The following STOX2 variants were observed in gnomAD, a reference collection of about 807,000 sequenced individuals.
STOX2 encodes the protein storkhead-box protein 2.
In STOX2, 28 loss-of-function variants were observed where a neutral mutation model predicts 60.9. The observed-to-expected ratio is 0.46, with a 90% CI of 0.34 to 0.63. The LOEUF (loss-of-function observed/expected upper bound fraction) is 0.63, where lower values mean the gene tolerates loss of function less well. Among genes scored for constraint, STOX2 ranks in the 30% least tolerant of loss-of-function variants. STOX2 has a pLI of 0.01. For missense variants in STOX2, 1,024 were observed against 1,187.7 expected (o/e 0.86, Z 2.03); for synonymous variants, 472 against 463.9 (o/e 1.02, Z -0.22).
intron 1 of STOX2, among the ~76,000 whole-genome samples, chr4:183,811,334 T>G (rs563731999): frequency 6.6e-6 from 1 of 152,180 alleles, no homozygotes; most frequent in Non-Finnish European, 1.5e-5. Flanking sequence ...AGGTGAGAAA[T>G]GTGGGCATTG....
rs1734601021 is a variant in STOX2, at chr4:184,021,775, T to A, written c.*4491T>A. 1 of 152,246 alleles carries A rather than the reference T, an allele frequency of 6.6e-6. No homozygotes were observed. Among genetic ancestry groups the A allele is most frequent in the African/African-American group, 2.4e-5 (1 of 41,452 alleles). 9.4% of individuals were successfully genotyped at this position (152,246 alleles called of 1,614,324 possible). A position where few individuals can be genotyped will look rare whatever the true frequency, so the allele number is the denominator to read the frequency against. ...CCCTACTTTGGAGGAGCTGGATTTC[T>A]GAGGGAGCTGATCCAGTTCTAAGTG... On this transcript the variant is annotated 3_prime_UTR_variant, in exon 4 of 4. Transcript: ENST00000308497.
At chr4:183,981,392 A>G (rs1235497327) in intron 1 of STOX2, among the ~76,000 whole-genome samples, 1 of 151,738 alleles carries the variant, frequency 6.6e-6, no homozygotes, top group Non-Finnish European at 1.5e-5. Context: ...CTCCATCATT[A>G]TTCTCTGCAG....
intron 1 of STOX2, among the ~76,000 whole-genome samples, chr4:183,923,216 T>C (rs1344631732): frequency 6.6e-6 from 1 of 152,250 alleles, no homozygotes. Flanking sequence ...TTTTTCACAG[T>C]GGTTGCACCA....
intron 1 of STOX2, among the ~76,000 whole-genome samples, chr4:183,926,716 C>T (rs1334099500): frequency 2.6e-5 from 4 of 152,064 alleles, no homozygotes; most frequent in Non-Finnish European, 4.4e-5. Context: ...CTCCACCTCC[C>T]GGGTTCAAGC....
At chr4:183,943,082 T>A (rs1321963012) in intron 1 of STOX2, among the ~76,000 whole-genome samples, 1 of 152,344 alleles carries the variant, frequency 6.6e-6, no homozygotes, top group African/African-American at 2.4e-5. Flanking sequence ...TTTAAAAGAT[T>A]TATTAATTCA....
chr4:183,899,258 T>TA (rs1242210840), intron 1 of STOX2, among the ~76,000 whole-genome samples: 10 of 152,244 alleles, frequency 6.6e-5, no homozygotes, highest in African/African-American at 2.2e-4. Context: ...CTAGGCCAAT[T>TA]AATAACCCTG....
At chr4:183,874,650 G>A (rs1740770198) in intron 1 of STOX2, among the ~76,000 whole-genome samples, 1 of 151,576 alleles carries the variant, frequency 6.6e-6, no homozygotes, top group African/African-American at 2.4e-5. Context: ...ATATTGGCCG[G>A]GCGCGGTGGC....
Position 184,010,474 on chromosome 4 carries a change from A to T in STOX2, c.1636A>T (p.Ile546Phe). 1 of 1,613,880 alleles carries T rather than the reference A, an allele frequency of 6.2e-7. No individual in the cohort carries two copies. ...AQTVSLQRAH[I>F]SSTSYKEVCI... The stretch of plus-strand genomic sequence containing the variant: ...GACCGTTAGTCTCCAAAGGGCTCAC[A>T]TTTCGTCCACAAGCTATAAAGAGGT... The change falls in exon 3 of 4, where the codon ATT becomes TTT. Residue 546 changes from isoleucine to phenylalanine, a missense_variant. Around this residue, in one of 3 missense-constraint regions of STOX2, gnomAD observed 922 missense variants for 1,058.3 expected, o/e 0.87. Coordinates refer to ENST00000308497, the MANE Select transcript of STOX2 (RefSeq NM_020225.3). This position sits in a 1 kb window ranked among gnomAD's most constrained non-coding sequence, Gnocchi z 4.5.
At chr4:183,849,422 G>A (rs755556411) in intron 1 of STOX2, among the ~76,000 whole-genome samples, 1 of 152,196 alleles carries the variant, frequency 6.6e-6, no homozygotes, top group Non-Finnish European at 1.5e-5. Context: ...GGGGTTTCCT[G>A]TTGGGGTGGG....
intron 3 of STOX2, among the ~76,000 whole-genome samples, chr4:184,012,128 T>A (rs940464684): frequency 6.6e-6 from 1 of 152,226 alleles, no homozygotes; most frequent in Non-Finnish European, 1.5e-5. Context: ...TAATAGGTGT[T>A]AGTTCAGCAA....
chr4:183,933,878 T>A (rs1406947727), intron 1 of STOX2, among the ~76,000 whole-genome samples: 1 of 152,056 alleles, frequency 6.6e-6, no homozygotes, highest in Non-Finnish European at 1.5e-5. Context: ...TATCATGTGA[T>A]GAAAAAAATT....
chr4:183,864,595 T>C (rs756196055), intron 1 of STOX2, among the ~76,000 whole-genome samples: 6 of 152,104 alleles, frequency 3.9e-5, no homozygotes, highest in Non-Finnish European at 8.8e-5. Context: ...GGTTTCTCCA[T>C]GTTGGCCAGG....
intron 1 of STOX2, among the ~76,000 whole-genome samples, chr4:183,894,563 T>TA (rs199997897): frequency 2.6e-3 from 391 of 152,142 alleles, no homozygotes; most frequent in African/African-American, 7.9e-3. Flanking sequence ...TTTTTTTTTT[T>TA]AACAGTTATT....
chr4:183,807,792 A>C (rs1034090061), intron 1 of STOX2, among the ~76,000 whole-genome samples: 1 of 152,200 alleles, frequency 6.6e-6, no homozygotes, highest in African/African-American at 2.4e-5. Context: ...GACGGCCCAG[A>C]TGCATGACTG....
chr4:183,852,140 GGAAAGGATGAGA>G (rs1181735814), intron 1 of STOX2, among the ~76,000 whole-genome samples: 15 of 135,952 alleles, frequency 1.1e-4, no homozygotes, highest in East Asian at 2.4e-4. Context: ...AAACGATGAG[GGAAAGGATGAGA>G]GAAAGGATGA....
At chr4:183,798,187 C>A in intron 1 of STOX2, 1 of 916,270 alleles carries the variant, frequency 1.1e-6, no homozygotes, top group Non-Finnish European at 1.4e-6. Flanking sequence ...GCCCGCGTCC[C>A]TGCCGGGGGA....
At chr4:183,983,746 C>T (rs547134043) in intron 1 of STOX2, among the ~76,000 whole-genome samples, 7 of 152,100 alleles carry the variant, frequency 4.6e-5, no homozygotes, top group African/African-American at 1.7e-4. Flanking sequence ...ATAAAGTGGG[C>T]CATTTTCCTA....
chr4:183,834,423 G>A, intron 1 of STOX2, among the ~76,000 whole-genome samples: 1 of 152,038 alleles, frequency 6.6e-6, no homozygotes, highest in Admixed American at 6.5e-5. Context: ...AATCTTTGTT[G>A]TGAGAGGTTA....
intron 1 of STOX2, among the ~76,000 whole-genome samples, chr4:183,945,348 G>A (rs1301360483): frequency 6.6e-6 from 1 of 151,934 alleles, no homozygotes; most frequent in East Asian, 1.9e-4. Context: ...GAGAGAGAGA[G>A]GGTCGTGACA....
Sources: allele counts gnomAD v4.1 joint callset (sites outside exome capture counted in the v4.1 genomes callset), GRCh38; gene constraint gnomAD v4.1.1; regional missense constraint gnomAD v4.1.1; non-coding constraint Gnocchi (gnomAD v3.1); transcripts MANE v1.5; gene names NCBI Gene and HGNC (gene_info 2026-07-23, HGNC 2026-07-21).